Variants in MAP7 observed in about 807,000 individuals in gnomAD.
The protein encoded by MAP7 is microtubule associated protein 7, also known as ensconsin.
MAP7 carries 52 observed loss-of-function variants against 94.8 expected under a neutral mutation model. That is an observed-to-expected ratio of 0.55 (90% confidence interval 0.44 to 0.69). The LOEUF (loss-of-function observed/expected upper bound fraction) is 0.69. Among genes scored for constraint, MAP7 ranks in the 30% least tolerant of loss-of-function variants. MAP7 has a pLI of 0.00. For missense variants in MAP7, 940 were observed against 964.6 expected, an observed-to-expected ratio of 0.97 and a Z score of 0.34; for synonymous variants, 350 against 357.0, an observed-to-expected ratio of 0.98 and a Z score of 0.22.
chr6:136,538,366 T>C (rs547066032), intron 1 of MAP7, among the ~76,000 whole-genome samples: 21 of 152,214 alleles, frequency 1.4e-4, no homozygotes, highest in Non-Finnish European at 2.8e-4. Flanking sequence ...ATTTTCCTGG[T>C]AGAGAAGCAT....
intron 1 of MAP7, among the ~76,000 whole-genome samples, chr6:136,507,559 A>G (rs563551833): frequency 1.3e-4 from 20 of 152,256 alleles, no homozygotes; most frequent in African/African-American, 4.6e-4. Context: ...CATTTAAAAA[A>G]ACACAAAATT....
chr6:136,539,539 T>C (rs1829146652), intron 1 of MAP7, among the ~76,000 whole-genome samples: 2 of 152,234 alleles, frequency 1.3e-5, no homozygotes, highest in Non-Finnish European at 2.9e-5. Context: ...ATTTTTGCCT[T>C]GGACTTCATA....
intron 1 of MAP7, among the ~76,000 whole-genome samples, chr6:136,514,580 C>CAAAAAAAAAAAAA (rs1046225937): frequency 3.1e-4 from 15 of 49,052 alleles, no homozygotes; most frequent in African/African-American, 9.7e-4. Flanking sequence ...GACTCTGTCT[C>CAAAAAAAAAAAAA]AAAAAAAAAA....
chr6:136,494,571 TTC>T (rs988739822), intron 1 of MAP7, among the ~76,000 whole-genome samples: 4 of 152,132 alleles, frequency 2.6e-5, no homozygotes, highest in African/African-American at 9.7e-5. Context: ...ATGGTAAATT[TTC>T]TGTTATGTCT....
chr6:136,355,156 A>G (rs1296508200), intron 16 of MAP7, among the ~76,000 whole-genome samples: 2 of 152,166 alleles, frequency 1.3e-5, no homozygotes, highest in East Asian at 3.9e-4. Context: ...CTTGGGCAAC[A>G]GAGTGAGAGT....
chr6:136,546,457 T>C (rs949342186), intron 1 of MAP7, among the ~76,000 whole-genome samples: 13 of 151,562 alleles, frequency 8.6e-5, no homozygotes, highest in Non-Finnish European at 4.4e-5. Context: ...ATCCTACAAA[T>C]GAGTGAGAAG....
intron 16 of MAP7, among the ~76,000 whole-genome samples, chr6:136,352,161 T>C (rs1789411565): frequency 6.6e-6 from 1 of 151,774 alleles, no homozygotes; most frequent in Non-Finnish European, 1.5e-5. Context: ...CACTAGGGTA[T>C]GTGACTGCTC....
intron 1 of MAP7, among the ~76,000 whole-genome samples, chr6:136,502,393 A>T (rs1820062312): frequency 6.6e-6 from 1 of 152,274 alleles, no homozygotes; most frequent in Non-Finnish European, 1.5e-5. Flanking sequence ...ATAAAATACT[A>T]AAGGCTCTTA....
intron 1 of MAP7, among the ~76,000 whole-genome samples, chr6:136,476,895 T>C (rs971535672): frequency 4.7e-4 from 71 of 152,342 alleles, no homozygotes; most frequent in African/African-American, 1.7e-3. Flanking sequence ...AGAGAGAAGT[T>C]AGACCTCTTC....
At chr6:136,462,967 A>AG (rs1300013409) in intron 1 of MAP7, among the ~76,000 whole-genome samples, 5 of 151,576 alleles carry the variant, frequency 3.3e-5, no homozygotes, top group Non-Finnish European at 7.4e-5. Flanking sequence ...AAAAAAAAAA[A>AG]AAAGAAAACA....
intron 1 of MAP7, among the ~76,000 whole-genome samples, chr6:136,482,081 C>A (rs1299861504): frequency 6.6e-6 from 1 of 152,116 alleles, no homozygotes; most frequent in Non-Finnish European, 1.5e-5. Context: ...GAGATACTAT[C>A]TCACACCAGT....
At chr6:136,503,802 G>A (rs1209361936) in intron 1 of MAP7, among the ~76,000 whole-genome samples, 2 of 152,236 alleles carry the variant, frequency 1.3e-5, no homozygotes, top group Non-Finnish European at 1.5e-5. Flanking sequence ...GCAGGCAGAA[G>A]TATGCTGATC....
Position 136,384,641 on chromosome 6 carries a change from G to A in MAP7, c.527-860C>T, listed in dbSNP as rs147324245. Among the ~76,000 whole-genome samples, 43 of 151,920 alleles carry A rather than the reference G, an allele frequency of 2.8e-4. No individual in the cohort carries two copies. In the East Asian group the frequency reaches 7.6e-3, roughly 27 times the overall value. ...TAAGACTCTAGGCAGGCATCACTAC[G>A]CCCAGCTAATATTTTAATTTTTTTG... On this transcript the variant is annotated intron_variant, in intron 5 of 17. Coordinates refer to ENST00000354570, the MANE Select transcript of MAP7 (RefSeq NM_003980.6).
intron 1 of MAP7, among the ~76,000 whole-genome samples, chr6:136,444,664 C>CA (rs1282725365): frequency 6.6e-6 from 1 of 152,136 alleles, no homozygotes; most frequent in East Asian, 1.9e-4. Flanking sequence ...AACAAGCCCA[C>CA]AATAGAACAG....
intron 1 of MAP7, among the ~76,000 whole-genome samples, chr6:136,515,608 A>C (rs1490294229): frequency 6.6e-6 from 1 of 152,200 alleles, no homozygotes; most frequent in Non-Finnish European, 1.5e-5. Flanking sequence ...TGTCTCAAAG[A>C]ATAGGGAGGC....
chr6:136,350,811 T>C (rs1414770187), intron 16 of MAP7, among the ~76,000 whole-genome samples: 2 of 152,152 alleles, frequency 1.3e-5, no homozygotes, highest in African/African-American at 4.8e-5. Flanking sequence ...TGAGCCATGC[T>C]CGTACCACTG....
intron 1 of MAP7, among the ~76,000 whole-genome samples, chr6:136,441,404 A>C (rs1244193547): frequency 6.6e-6 from 1 of 152,228 alleles, no homozygotes; most frequent in Non-Finnish European, 1.5e-5. Flanking sequence ...ATGTTCACGA[A>C]ATCAAATAAT....
In MAP7 at chr6:136,421,734, C is replaced by T. The variant is rs963397072; in HGVS notation, c.133G>A (p.Gly45Arg). Residue 45 changes from glycine to arginine, a missense_variant, in exon 2 of 18, where the codon GGA becomes AGA. Coordinates refer to ENST00000354570, the MANE Select transcript of MAP7 (RefSeq NM_003980.6). ...ASSRPASAIS[G>R]QNNNHSGNKP... ...TTTCCTGAGTGGTTGTTATTTTGTC[C>T]TGAAATTGCAGAGGCAGGGCGGCTG... 3 of 1,613,930 alleles carry T rather than the reference C, an allele frequency of 1.9e-6. No individual in the cohort carries two copies. The highest frequency in any genetic ancestry group is 2.5e-6 in the Non-Finnish European group (3 of 1,179,944).
intron 1 of MAP7, chr6:136,525,728 C>A: frequency 7.7e-7 from 1 of 1,302,064 alleles, no homozygotes. Context: ...CACAAGCACT[C>A]CCTGGAGCAT....
Sources: allele counts gnomAD v4.1 joint callset (sites outside exome capture counted in the v4.1 genomes callset), GRCh38; gene constraint gnomAD v4.1.1; transcripts MANE v1.5; gene names NCBI Gene and HGNC (gene_info 2026-07-23, HGNC 2026-07-21).